Variants in MALT1 observed in about 807,000 individuals in gnomAD.
MALT1 encodes the protein mucosa-associated lymphoid tissue lymphoma translocation protein 1.
MALT1 carries 36 observed loss-of-function variants against 85.5 expected under a neutral mutation model. The ratio of observed to expected loss-of-function variants is 0.42; its 90% CI spans 0.32 to 0.56. The LOEUF is 0.56. Among genes scored for constraint, MALT1 ranks in the 20% least tolerant of loss-of-function variants. The pLI is 0.10. For missense variants in MALT1, 716 were observed against 981.6 expected (o/e 0.73, Z 3.62); for synonymous variants, 359 against 361.3 (o/e 0.99, Z 0.07).
chr18:58,695,284 G>T (rs528660006), intron 2 of MALT1, among the ~76,000 whole-genome samples: 31 of 152,328 alleles, frequency 2.0e-4, no homozygotes, highest in African/African-American at 7.0e-4. Flanking sequence ...TCTCTGCAGG[G>T]CTACCTGAAT....
chr18:58,704,498 C>T (rs1266202550), intron 4 of MALT1, among the ~76,000 whole-genome samples: 2 of 152,162 alleles, frequency 1.3e-5, no homozygotes, highest in African/African-American at 4.8e-5. Flanking sequence ...ACTCTGTCAC[C>T]GAGGTTGGAG....
intron 1 of MALT1, 87 bp from the exon 2 acceptor site, chr18:58,681,083 C>A: frequency 8.5e-7 from 1 of 1,183,282 alleles, no homozygotes. Flanking sequence ...GTGATTTATT[C>A]CATACAGCAC....
chr18:58,735,280 A>G lies in MALT1; in HGVS notation c.1554A>G (p.Arg518=), dbSNP rs1249378636. 6.2e-7 allele frequency: 1 copy of G among 1,609,494 alleles called. No individual in the cohort carries two copies. Among genetic ancestry groups the G allele is most frequent in the South Asian group, 1.1e-5 (1 of 89,854 alleles). ...NGIFMKFLKD[R]LLEDKKITVL... ...TCTTTATGAAATTTTTAAAAGACAG[A>G]TTATTAGAAGATAAGAAAATCACTG... Residue 518 remains arginine, a synonymous_variant, in exon 13 of 17, where the codon AGA becomes AGG. Coordinates refer to ENST00000649217, the MANE Select transcript of MALT1 (RefSeq NM_006785.4).
chr18:58,733,315 T>C, intron 10 of MALT1, 82 bp from the exon 11 acceptor site: 1 of 881,276 alleles, frequency 1.1e-6, no homozygotes, highest in Admixed American at 2.5e-5. Flanking sequence ...TCAAGGTTTT[T>C]CTACAAAAAG....
intron 4 of MALT1, among the ~76,000 whole-genome samples, chr18:58,701,626 G>C (rs186039210): frequency 1.3e-5 from 2 of 152,118 alleles, no homozygotes; most frequent in Admixed American, 6.5e-5. Context: ...CTTGGGCTTC[G>C]ATGTTACAGC....
chr18:58,684,652 A>T (rs2054373769), intron 2 of MALT1, among the ~76,000 whole-genome samples: 1 of 151,372 alleles, frequency 6.6e-6, no homozygotes, highest in African/African-American at 2.4e-5. Flanking sequence ...CTCCATGTTG[A>T]TCAGGCTGGT....
intron 14 of MALT1, 82 bp from the exon 15 acceptor site, chr18:58,744,256 T>C: frequency 2.3e-6 from 2 of 866,546 alleles, no homozygotes; most frequent in South Asian, 2.2e-5. Context: ...GCAAAAGAAA[T>C]GCTAACTATA....
At chr18:58,691,014 C>T in intron 2 of MALT1, 1 of 286,728 alleles carries the variant, frequency 3.5e-6, no homozygotes, top group Non-Finnish European at 6.9e-6. Context: ...CAGATTTGTG[C>T]CCAAAACTCC....
At chr18:58,736,893 C>T (rs529410519) in intron 13 of MALT1, among the ~76,000 whole-genome samples, 2 of 152,200 alleles carry the variant, frequency 1.3e-5, no homozygotes, top group Non-Finnish European at 2.9e-5. Flanking sequence ...ACAGTTAAAT[C>T]TAGCCCTTAT....
intron 13 of MALT1, among the ~76,000 whole-genome samples, chr18:58,740,418 T>G (rs903779499): frequency 3.9e-5 from 6 of 152,142 alleles, no homozygotes; most frequent in Non-Finnish European, 7.4e-5. Context: ...GCCTATTTTT[T>G]CCAATTTAAG....
In MALT1 at chr18:58,696,363, T is replaced by A. The variant is rs1426481119; in HGVS notation, c.377-3T>A. ...TTTTTTTTTTTTTTTTTTTTTTTTT[T>A]AGGAATAAAGATTACTGTAAACCCA... On this transcript the variant is annotated splice_polypyrimidine_tract_variant and splice_region_variant and intron_variant, in intron 2 of 16. Transcript: ENST00000649217. The A allele has an allele frequency of 1.5e-5, 20 of 1,373,218 alleles. No homozygotes were observed. Among genetic ancestry groups the A allele is most frequent in the Middle Eastern group, 2.0e-4 (1 of 4,988 alleles). 85.1% of individuals were successfully genotyped at this position (1,373,218 alleles called of 1,614,324 possible).
At position 58,689,328 on chromosome 18, in the gene MALT1, G is replaced by A. The variant is rs117413194; in HGVS notation, c.377-7038G>A. ...ATTTGGGTGACCTTCTGCAAATTAC[G>A]TACCTTTTTTTCATTGTAACATAGA... On this transcript the variant is annotated intron_variant, in intron 2 of 16. Coordinates refer to ENST00000649217, the MANE Select transcript of MALT1 (RefSeq NM_006785.4). Among the ~76,000 whole-genome samples the A allele has an allele frequency of 8.9e-4, 135 of 151,330 alleles. 2 individuals are homozygous for A. In the East Asian group the frequency reaches 0.014, roughly 16 times the overall value.
chr18:58,678,574 CA>C (rs1414705813), intron 1 of MALT1, among the ~76,000 whole-genome samples: 1 of 152,018 alleles, frequency 6.6e-6, no homozygotes, highest in Non-Finnish European at 1.5e-5. Flanking sequence ...AAGAAAAGCT[CA>C]CCGTTCTAAG....
At chr18:58,727,912 T>C (rs1449936414) in intron 10 of MALT1, among the ~76,000 whole-genome samples, 2 of 152,078 alleles carry the variant, frequency 1.3e-5, no homozygotes, top group African/African-American at 4.8e-5. Flanking sequence ...ATTACCTACT[T>C]TGTTGTGAGG....
chr18:58,747,571 G>T lies in MALT1; in HGVS notation c.2204G>T (p.Gly735Val). The change falls in exon 17 of 17, where the codon GGT becomes GTT. Residue 735 changes from glycine (G) to valine (V), a missense_variant. Gly to Val is a moderately radical substitution (Grantham distance 109, BLOSUM62 -3). This residue lies in a region of MALT1 where 260 missense variants were observed against 323.7 expected (regional missense o/e 0.80). Coordinates refer to ENST00000649217, the MANE Select transcript of MALT1 (RefSeq NM_006785.4). ...TTTCAAACTTGTCTTATGTCTAATG[G>T]TCCTTACCAGAGTTCTGCAGCCACC... ...TCFQTCLMSN[G>V]PYQSSAATSG... 1 of 1,614,164 alleles carries T rather than the reference G, an allele frequency of 6.2e-7. No individual in the cohort carries two copies. The highest frequency in any genetic ancestry group is 2.2e-5 in the East Asian group (1 of 44,884).
At chr18:58,703,773 A>G (rs1367798571) in intron 4 of MALT1, among the ~76,000 whole-genome samples, 4 of 152,144 alleles carry the variant, frequency 2.6e-5, no homozygotes, top group Admixed American at 1.3e-4. Context: ...ACTCATATCA[A>G]CCTTTCTCAA....
intron 4 of MALT1, among the ~76,000 whole-genome samples, chr18:58,703,877 T>C (rs1299937786): frequency 6.6e-6 from 1 of 152,248 alleles, no homozygotes; most frequent in Non-Finnish European, 1.5e-5. Context: ...AGTTTTAACA[T>C]ATATATAACA....
At chr18:58,715,328 T>G (rs2054883714) in intron 8 of MALT1, among the ~76,000 whole-genome samples, 1 of 152,106 alleles carries the variant, frequency 6.6e-6, no homozygotes, top group Non-Finnish European at 1.5e-5. Flanking sequence ...ATTCAGGGAG[T>G]ACCAAAAATT....
At chr18:58,712,341 T>G (rs1184429850) in intron 7 of MALT1, among the ~76,000 whole-genome samples, 1 of 152,172 alleles carries the variant, frequency 6.6e-6, no homozygotes, top group East Asian at 1.9e-4. Flanking sequence ...TTGTGTATTT[T>G]ATTCAAGAGA....
Sources: allele counts gnomAD v4.1 joint callset (sites outside exome capture counted in the v4.1 genomes callset), GRCh38; gene constraint gnomAD v4.1.1; regional missense constraint gnomAD v4.1.1; transcripts MANE v1.5; gene names NCBI Gene and HGNC (gene_info 2026-07-23, HGNC 2026-07-21).